DCDC2: variants seen among roughly 807,000 people sequenced by gnomAD.
DCDC2 encodes doublecortin domain containing 2.
In DCDC2, 40 loss-of-function variants were observed where a neutral mutation model predicts 50.2. The observed-to-expected ratio is 0.80, with a 90% CI of 0.62 to 1.04. The LOEUF (loss-of-function observed/expected upper bound fraction) is 1.04, where lower values mean the gene tolerates loss of function less well. DCDC2 is among the 50% of genes least tolerant of loss of function. The probability of loss-of-function intolerance (pLI) is 0.00; values close to 1 mark genes in which losing one functional copy is unlikely to be tolerated. For synonymous variants in DCDC2, 234 were observed against 210.6 expected (o/e 1.11, Z -0.96); for missense variants, 570 against 581.9 (o/e 0.98, Z 0.21).
chr6:24,263,296 G>C (rs531423439), intron 7 of DCDC2, among the ~76,000 whole-genome samples: 2 of 152,260 alleles, frequency 1.3e-5, no homozygotes, highest in African/African-American at 4.8e-5. Flanking sequence ...AGACTGTGAA[G>C]ACCACAACAA....
At chr6:24,180,214 T>C (rs1206501732) in intron 8 of DCDC2, among the ~76,000 whole-genome samples, 1 of 152,186 alleles carries the variant, frequency 6.6e-6, no homozygotes, top group Non-Finnish European at 1.5e-5. Flanking sequence ...TTCCCATTTG[T>C]TACAATACAT....
chr6:24,291,691 T>C (rs1309008484), intron 4 of DCDC2, among the ~76,000 whole-genome samples: 1 of 151,878 alleles, frequency 6.6e-6, no homozygotes, highest in Non-Finnish European at 1.5e-5. Context: ...TTCACCGTTT[T>C]AGCCGGGATG....
chr6:24,218,576 T>C (rs1004703314), intron 7 of DCDC2, among the ~76,000 whole-genome samples: 13 of 152,242 alleles, frequency 8.5e-5, no homozygotes, highest in Non-Finnish European at 1.8e-4. Context: ...CACTGCAGTC[T>C]TGACCTCCTG....
At chr6:24,382,620 T>C in the DCDC2 span, among the ~76,000 whole-genome samples, 1 of 152,226 alleles carries the variant, frequency 6.6e-6, no homozygotes, top group Non-Finnish European at 1.5e-5. Context: ...GTTTGAGCAA[T>C]AGAACAATGA....
chr6:24,316,627 A>T (rs1417411), intron 2 of DCDC2, among the ~76,000 whole-genome samples: 84,590 of 152,006 alleles, frequency 0.56, 26,548 homozygotes, highest in East Asian at 0.8. Flanking sequence ...ATAACATTTT[A>T]AATTAATATG....
chr6:24,181,586 T>C (rs377253384), intron 8 of DCDC2, among the ~76,000 whole-genome samples: 127 of 152,302 alleles, frequency 8.3e-4, no homozygotes, highest in African/African-American at 2.8e-3. Flanking sequence ...TCATTTACAA[T>C]AGCATCAAAA....
chr6:24,301,236 T>C lies in DCDC2; in HGVS notation c.557+479A>G, dbSNP rs185095236. ...AATACAAAAAATTAGCCGGGCGTGG[T>C]GGTGGGCGCCTGTGGTCCCAGCTAC... On this transcript the variant is annotated intron_variant, in intron 4 of 9. Coordinates refer to ENST00000378454, the MANE Select transcript of DCDC2 (RefSeq NM_016356.5). Among the ~76,000 whole-genome samples, 641 of 151,406 alleles carry C rather than the reference T, an allele frequency of 4.2e-3. 7 individuals are homozygous for C. The highest frequency in any genetic ancestry group is 0.014 in the African/African-American group (596 of 41,248).
chr6:24,181,365 G>A (rs537630662), intron 8 of DCDC2, among the ~76,000 whole-genome samples: 1 of 152,256 alleles, frequency 6.6e-6, no homozygotes, highest in African/African-American at 2.4e-5. Context: ...TGCCCCACCA[G>A]ACCCATCTCA....
chr6:24,351,369 A>C (rs1760369397), intron 2 of DCDC2, among the ~76,000 whole-genome samples: 1 of 152,184 alleles, frequency 6.6e-6, no homozygotes, highest in Non-Finnish European at 1.5e-5. Context: ...AGTGGGAGAG[A>C]GGACTCTAGC....
chr6:24,233,493 G>A lies in DCDC2; in HGVS notation c.923-28391C>T, dbSNP rs1581601697. 3.3e-5 allele frequency among the ~76,000 whole-genome samples: 5 copies of A among 152,224 alleles called. 1 individual carries two copies. The South Asian group carries it at 1.0e-3, about 32-fold the overall frequency. ...CCAATGAGATTATAAATTGCTTAGT[G>A]TCAGAAGCAATTTCTTAAAATATCA... On this transcript the variant is annotated intron_variant, in intron 7 of 9. Coordinates refer to ENST00000378454, the MANE Select transcript of DCDC2 (RefSeq NM_016356.5).
At chr6:24,265,480 G>T (rs1321623482) in intron 7 of DCDC2, among the ~76,000 whole-genome samples, 1 of 151,954 alleles carries the variant, frequency 6.6e-6, no homozygotes, top group Non-Finnish European at 1.5e-5. Context: ...CTCACCACAT[G>T]GATCATTCTC....
chr6:24,237,703 A>G (rs779674322), intron 7 of DCDC2, among the ~76,000 whole-genome samples: 2 of 152,226 alleles, frequency 1.3e-5, no homozygotes, highest in Admixed American at 6.5e-5. Context: ...GGTAAAGAAA[A>G]TGTAGTACAT....
At chr6:24,232,808 G>C (rs1196966853) in intron 7 of DCDC2, among the ~76,000 whole-genome samples, 1 of 151,388 alleles carries the variant, frequency 6.6e-6, no homozygotes, top group Non-Finnish European at 1.5e-5. Flanking sequence ...GTGAGTGAAT[G>C]AATTAATGAA....
At chr6:24,268,721 G>A (rs907798679) in intron 7 of DCDC2, among the ~76,000 whole-genome samples, 9 of 152,060 alleles carry the variant, frequency 5.9e-5, no homozygotes, top group South Asian at 2.1e-4. Flanking sequence ...ACAGGCATGC[G>A]ACACTATGCC....
In DCDC2 at chr6:24,301,716, T is replaced by C. The variant is rs561849262; in HGVS notation, c.556A>G (p.Arg186Gly). Residue 186 changes from arginine (R) to glycine (G), a missense_variant and splice_region_variant, in exon 4 of 10, where the codon AGG (arginine) becomes GGG (glycine). By Grantham distance (125) the Arg-to-Gly change is moderately radical. Coordinates refer to ENST00000378454, the MANE Select transcript of DCDC2 (RefSeq NM_016356.5). Reference sequence around the variant, plus strand: ...ACTTACAAGATTGTTTTGACATACCTGTGAACAGCCCCGCTCCTCAGAGTG... The same window carrying C: ...ACTTACAAGATTGTTTTGACATACCCGTGAACAGCCCCGCTCCTCAGAGTG... ...KITLRSGAVH[R>G]LYTLEGKLVE... 3.1e-6 allele frequency: 5 copies of C among 1,613,826 alleles called. No individual in the cohort carries two copies. The South Asian group carries it at 5.5e-5, about 18-fold the overall frequency.
At chr6:24,368,527 A>C in the DCDC2 span, among the ~76,000 whole-genome samples, 2 of 152,356 alleles carry the variant, frequency 1.3e-5, no homozygotes, top group East Asian at 3.9e-4. Flanking sequence ...ATTACAAACC[A>C]GAAAACAGTG....
At chr6:24,260,323 A>C (rs1286592962) in intron 7 of DCDC2, among the ~76,000 whole-genome samples, 1 of 152,184 alleles carries the variant, frequency 6.6e-6, no homozygotes, top group Admixed American at 6.5e-5. Context: ...AAAGTTCCTC[A>C]TCTCTGACTT....
At chr6:24,269,009 TTTTATC>T (rs1200822132) in intron 7 of DCDC2, among the ~76,000 whole-genome samples, 2 of 152,248 alleles carry the variant, frequency 1.3e-5, no homozygotes, top group Non-Finnish European at 2.9e-5. Context: ...TTTACAGATA[TTTTATC>T]TTTATCTCCA....
Position 24,317,833 on chromosome 6 carries a change from A to G in DCDC2, c.349-15789T>C, listed in dbSNP as rs117724487. ...TCTTTATACTCTGATAGAAAAAATG[A>G]AAGGACAAGAACAGGCAATTCATGT... On this transcript the variant is annotated intron_variant, in intron 2 of 9. Coordinates refer to ENST00000378454, the MANE Select transcript of DCDC2 (RefSeq NM_016356.5). Among the ~76,000 whole-genome samples the G allele has an allele frequency of 9.9e-5, 15 of 152,104 alleles. No homozygotes were observed. In the East Asian group the frequency reaches 2.3e-3, roughly 23 times the overall value.
Sources: allele counts gnomAD v4.1 joint callset (sites outside exome capture counted in the v4.1 genomes callset), GRCh38; gene constraint gnomAD v4.1.1; transcripts MANE v1.5; gene names NCBI Gene and HGNC (gene_info 2026-07-23, HGNC 2026-07-21).